Variants in EIPR1 observed in about 807,000 individuals in gnomAD.
EIPR1 encodes the protein EARP and GARP complex-interacting protein 1.
A neutral mutation model predicts 48.1 loss-of-function variants in EIPR1; 25 were observed. That is an observed-to-expected ratio of 0.52 (90% CI 0.38 to 0.73). The LOEUF (loss-of-function observed/expected upper bound fraction) is 0.73. Among genes scored for constraint, EIPR1 ranks in the 30% least tolerant of loss-of-function variants. The probability of loss-of-function intolerance (pLI) is 0.00; values close to 1 mark genes in which losing one functional copy is unlikely to be tolerated. For missense variants in EIPR1, 415 were observed against 506.2 expected, an observed-to-expected ratio of 0.82 and a Z score of 1.73; for synonymous variants, 204 against 201.9, an observed-to-expected ratio of 1.01 and a Z score of -0.09.
rs1558263372 is a variant in EIPR1, at chr2:3,269,409, A to ATCATCACCACACTCAG, written c.260-11955_260-11954insCTGAGTGTGGTGATGA. The stretch of plus-strand genomic sequence containing the variant: ...TCATCGCACTCAGTCATCGCACTCA[A>ATCATCACCACACTCAG]TCATCGCACTCAATCATCACACTCA... On this transcript the variant is annotated intron_variant, in intron 3 of 8. Transcript: ENST00000382125. 5.9e-4 allele frequency among the ~76,000 whole-genome samples: 16 copies of ATCATCACCACACTCAG among 27,140 alleles called. 2 individuals are homozygous for ATCATCACCACACTCAG. The highest frequency in any genetic ancestry group is 2.2e-3 in the African/African-American group (14 of 6,452). The allele number at this position is 27,140 out of a possible 152,430, so 17.8% of individuals were successfully genotyped here. A position where few individuals can be genotyped will look rare whatever the true frequency, so the allele number is the denominator to read the frequency against.
rs560573476 is a variant in EIPR1, at chr2:3,319,317, T to C, written c.259+18700A>G. On this transcript the variant is annotated intron_variant, in intron 3 of 8. Transcript: ENST00000382125. ...TTAGCGCTGCTGGCCCGGCAGGTCA[T>C]TGCAACAACTCCCTCAGGGGAAAAG... 13 of 230,178 alleles carry C rather than the reference T, an allele frequency of 5.6e-5. No individual in the cohort carries two copies. The South Asian group carries it at 6.6e-4, about 12-fold the overall frequency. The allele number at this position is 230,178 out of a possible 1,614,324, so 14.3% of individuals were successfully genotyped here. A position where few individuals can be genotyped will look rare whatever the true frequency, so the allele number is the denominator to read the frequency against.
intron 3 of EIPR1, among the ~76,000 whole-genome samples, chr2:3,333,160 T>TA (rs1669948659): frequency 6.6e-6 from 1 of 152,184 alleles, no homozygotes; most frequent in Non-Finnish European, 1.5e-5. Context: ...CGCTTGCATT[T>TA]TAAAAAATAA....
At chr2:3,350,873 T>G (rs1488730895) in intron 2 of EIPR1, among the ~76,000 whole-genome samples, 1 of 146,576 alleles carries the variant, frequency 6.8e-6, no homozygotes, top group Non-Finnish European at 1.5e-5. Flanking sequence ...TCAGAACTCT[T>G]CAATTTAGAA....
intron 5 of EIPR1, among the ~76,000 whole-genome samples, chr2:3,204,577 T>C (rs1267739604): frequency 6.6e-6 from 1 of 152,186 alleles, no homozygotes; most frequent in Non-Finnish European, 1.5e-5. Context: ...AAGGAATGAT[T>C]AAAGGCGCCC....
intron 4 of EIPR1, among the ~76,000 whole-genome samples, chr2:3,222,715 G>A (rs1404838490): frequency 2.6e-5 from 4 of 152,166 alleles, no homozygotes; most frequent in Non-Finnish European, 5.9e-5. Flanking sequence ...GGGCGTGGAG[G>A]GCCCTGAAGA....
At chr2:3,216,180 G>T (rs1665630048) in intron 4 of EIPR1, among the ~76,000 whole-genome samples, 1 of 152,204 alleles carries the variant, frequency 6.6e-6, no homozygotes, top group Non-Finnish European at 1.5e-5. Flanking sequence ...AGGGAGAGAA[G>T]GATGCAACGG....
intron 3 of EIPR1, among the ~76,000 whole-genome samples, chr2:3,294,307 G>A (rs1184806160): frequency 5.2e-5 from 6 of 115,492 alleles, no homozygotes; most frequent in Admixed American, 8.6e-5. Flanking sequence ...CCATCCAGCC[G>A]ATCCTCTCTG....
intron 3 of EIPR1, among the ~76,000 whole-genome samples, chr2:3,303,149 G>A (rs376355950): frequency 3.9e-5 from 6 of 152,202 alleles, no homozygotes; most frequent in Non-Finnish European, 7.3e-5. Context: ...CCAACGTCAC[G>A]TGTATTTGCT....
chr2:3,240,083 C>G (rs1343554835), intron 4 of EIPR1, among the ~76,000 whole-genome samples: 2 of 151,554 alleles, frequency 1.3e-5, no homozygotes, highest in African/African-American at 4.9e-5. Context: ...GCCAGCAGAT[C>G]CCTCCTAAAG....
chr2:3,258,894 C>A (rs1667243914), intron 3 of EIPR1, among the ~76,000 whole-genome samples: 1 of 152,066 alleles, frequency 6.6e-6, no homozygotes, highest in Non-Finnish European at 1.5e-5. Flanking sequence ...ATGGAGTGTA[C>A]AGACAGTTCT....
intron 4 of EIPR1, 44 bp from the exon 5 acceptor site, chr2:3,214,292 A>T: frequency 6.4e-7 from 1 of 1,574,006 alleles, no homozygotes; most frequent in Non-Finnish European, 8.7e-7. Context: ...AACATTTGAG[A>T]TACCCAGGCT....
intron 1 of EIPR1, among the ~76,000 whole-genome samples, chr2:3,369,039 A>C (rs2103390929): frequency 1.3e-5 from 2 of 152,334 alleles, no homozygotes; most frequent in East Asian, 3.9e-4. Context: ...CAAACAAAAA[A>C]AAACACTATC....
intron 4 of EIPR1, among the ~76,000 whole-genome samples, chr2:3,235,740 A>C (rs1413061390): frequency 6.6e-6 from 1 of 152,218 alleles, no homozygotes; most frequent in African/African-American, 2.4e-5. Context: ...AATGAACAAA[A>C]TTACCAGAAA....
intron 7 of EIPR1, 80 bp from the exon 8 acceptor site, chr2:3,192,661 C>T: frequency 6.9e-7 from 1 of 1,458,662 alleles, no homozygotes; most frequent in Non-Finnish European, 9.4e-7. Flanking sequence ...GCTCTGAGGG[C>T]CCCACTAGGC....
At chr2:3,274,203 G>T in intron 3 of EIPR1, 1 of 1,393,058 alleles carries the variant, frequency 7.2e-7, no homozygotes, top group Non-Finnish European at 9.6e-7. Context: ...ACAGAAAACA[G>T]CAGGCACAAT....
At chr2:3,338,781 A>C (rs1670144368) in intron 2 of EIPR1, among the ~76,000 whole-genome samples, 1 of 152,234 alleles carries the variant, frequency 6.6e-6, no homozygotes, top group African/African-American at 2.4e-5. Flanking sequence ...CTCTATAAGA[A>C]AGTTAAATAT....
intron 4 of EIPR1, among the ~76,000 whole-genome samples, chr2:3,250,941 C>CT (rs1223650407): frequency 1.1e-3 from 166 of 147,474 alleles, no homozygotes; most frequent in South Asian, 2.4e-3. Flanking sequence ...AAATAAACCT[C>CT]TTTTTTTTTT....
At chr2:3,269,677 G>T (rs112373555) in intron 3 of EIPR1, among the ~76,000 whole-genome samples, 4 of 94,330 alleles carry the variant, frequency 4.2e-5, no homozygotes, top group East Asian at 7.6e-4. Context: ...CTCAATCATC[G>T]CAATCATCGC....
chr2:3,232,301 T>C (rs1335411032), intron 4 of EIPR1, among the ~76,000 whole-genome samples: 2 of 152,230 alleles, frequency 1.3e-5, no homozygotes, highest in African/African-American at 4.8e-5. Flanking sequence ...GTCTATTTCA[T>C]ATATTTCTGC....
Sources: allele counts gnomAD v4.1 joint callset (sites outside exome capture counted in the v4.1 genomes callset), GRCh38; gene constraint gnomAD v4.1.1; transcripts MANE v1.5; gene names NCBI Gene and HGNC (gene_info 2026-07-23, HGNC 2026-07-21).